The following WFDC10B variants were observed in gnomAD, a reference collection of about 807,000 sequenced individuals.
WFDC10B encodes the protein WAP four-disulfide core domain 10B.
Under a neutral mutation model 2.7 loss-of-function variants are expected in WFDC10B, and 1 was observed. The ratio of observed to expected loss-of-function variants is 0.38; its 90% confidence interval spans 0.13 to 1.79. The LOEUF is 1.79. Ranked by LOEUF, WFDC10B falls within the 40% of genes most tolerant of loss-of-function variation. The pLI, the probability that WFDC10B is intolerant of heterozygous loss-of-function variation, is 0.33. For missense variants in WFDC10B, 71 were observed against 87.8 expected, an observed-to-expected ratio of 0.81 and a Z score of 0.76; for synonymous variants, 26 against 32.2, an observed-to-expected ratio of 0.81 and a Z score of 0.65.
chr20:45,701,978 C>T lies in WFDC10B; in HGVS notation c.-65+2519G>A. Reference sequence around the variant, plus strand: ...ATTGGGAGGTGCTTGGATTCCTGCCCTGCCGGTTTTGATTGGAGTACACGG... The same window carrying T: ...ATTGGGAGGTGCTTGGATTCCTGCCTTGCCGGTTTTGATTGGAGTACACGG... On this transcript the variant is annotated intron_variant, in intron 2 of 3. Coordinates refer to ENST00000330523, the MANE Select transcript of WFDC10B (RefSeq NM_172006.2). The T allele has an allele frequency of 8.7e-6, 6 of 687,216 alleles. No individual in the cohort carries two copies. In the South Asian group the frequency reaches 1.1e-4, roughly 13 times the overall value. 42.6% of individuals were successfully genotyped at this position (687,216 alleles called of 1,614,324 possible).
At chr20:45,685,280 T>C (rs1983570516) in intron 3 of WFDC10B, among the ~76,000 whole-genome samples, 1 of 152,134 alleles carries the variant, frequency 6.6e-6, no homozygotes, top group African/African-American at 2.4e-5. Context: ...GGTCTGACCC[T>C]GAGAGCTCAA....
At chr20:45,687,860 T>TTTATTATTATTATTATTA (rs149834246) in intron 2 of WFDC10B, among the ~76,000 whole-genome samples, 46 of 145,350 alleles carry the variant, frequency 3.2e-4, no homozygotes, top group African/African-American at 1.1e-3. Context: ...TGTCTTTTCT[T>TTTATTATTATTATTATTA]TTATTATTAT....
intron 2 of WFDC10B, among the ~76,000 whole-genome samples, chr20:45,694,590 A>G (rs1334106198): frequency 1.3e-5 from 2 of 152,236 alleles, no homozygotes; most frequent in African/African-American, 2.4e-5. Flanking sequence ...GGAGAGTTCA[A>G]TATCCCACCA....
chr20:45,694,970 G>T (rs1056888576), intron 2 of WFDC10B, among the ~76,000 whole-genome samples: 2 of 152,180 alleles, frequency 1.3e-5, no homozygotes, highest in African/African-American at 2.4e-5. Context: ...AACTCACAAG[G>T]ACAGAAATTC....
Position 45,702,307 on chromosome 20 carries a change from C to T in WFDC10B, c.-65+2190G>A, listed in dbSNP as rs113067416. The T allele has an allele frequency of 7.1e-4, 895 of 1,268,702 alleles. 8 individuals are homozygous for T. The African/African-American group carries it at 0.011, about 15-fold the overall frequency. The allele number at this position is 1,268,702 out of a possible 1,614,324, so 78.6% of individuals were successfully genotyped here. On this transcript the variant is annotated intron_variant, in intron 2 of 3. Transcript: ENST00000330523. ...TCTGTCACACCTCTTGGAAAAATACCGTGTCATGTTCAAGGGCCCAAGCTT... is the reference window on the plus strand; with the variant it reads ...TCTGTCACACCTCTTGGAAAAATACTGTGTCATGTTCAAGGGCCCAAGCTT...
chr20:45,698,694 C>T (rs1031735991), intron 2 of WFDC10B, among the ~76,000 whole-genome samples: 4 of 151,774 alleles, frequency 2.6e-5, no homozygotes, highest in South Asian at 2.1e-4. Flanking sequence ...CGGCTGGGCA[C>T]GGTGGCTCAT....
Position 45,684,661 on chromosome 20 carries a change from T to G in WFDC10B, c.*169A>C. 4.7e-6 allele frequency: 4 copies of G among 845,356 alleles called. No individual in the cohort carries two copies. Among genetic ancestry groups the G allele is most frequent in the Non-Finnish European group, 5.3e-6 (3 of 564,696 alleles). 52.4% of individuals were successfully genotyped at this position (845,356 alleles called of 1,614,324 possible). ...GCAAAAGAGGCAGGATCCATGGGCATTTGTTCTGGTTTATTTGACAGGGAC... is the reference window on the plus strand; with the variant it reads ...GCAAAAGAGGCAGGATCCATGGGCAGTTGTTCTGGTTTATTTGACAGGGAC... On this transcript the variant is annotated 3_prime_UTR_variant, in exon 4 of 4. Coordinates refer to ENST00000330523, the MANE Select transcript of WFDC10B (RefSeq NM_172006.2).
intron 2 of WFDC10B, among the ~76,000 whole-genome samples, chr20:45,704,146 T>C (rs1984289375): frequency 6.6e-6 from 1 of 152,242 alleles, no homozygotes; most frequent in Non-Finnish European, 1.5e-5. Context: ...ATACCCTTGA[T>C]ATGGACACAA....
intron 2 of WFDC10B, among the ~76,000 whole-genome samples, chr20:45,696,285 C>CAA (rs368423161): frequency 0.021 from 1,005 of 47,650 alleles, 36 homozygotes; most frequent in Admixed American, 0.12. Context: ...GACTCCGTCT[C>CAA]AAAAAAAAAA....
At chr20:45,704,665 C>A in intron 1 of WFDC10B, 104 bp from the exon 2 acceptor site, 1 of 1,568,464 alleles carries the variant, frequency 6.4e-7, no homozygotes, top group Non-Finnish European at 8.6e-7. Flanking sequence ...AGTCCCTTAC[C>A]AGCAACTGTG....
At chr20:45,688,686 GTTGT>G (rs376428573) in intron 2 of WFDC10B, among the ~76,000 whole-genome samples, 47,119 of 151,446 alleles carry the variant, frequency 0.31, 7,379 homozygotes, top group South Asian at 0.45. Context: ...TTTTGATGGG[GTTGT>G]TTGTTTTTTC....
Position 45,690,687 on chromosome 20 carries a change from C to T in WFDC10B, c.-64-4631G>A, listed in dbSNP as rs531020088. On this transcript the variant is annotated intron_variant, in intron 2 of 3. Coordinates refer to ENST00000330523, the MANE Select transcript of WFDC10B (RefSeq NM_172006.2). ...TATTTCTGTGGGATCGGTGGTGATA[C>T]CCCTTTATCATTTTTTATTGCATCT... 5.3e-5 allele frequency among the ~76,000 whole-genome samples: 8 copies of T among 151,898 alleles called. No individual in the cohort carries two copies. In the South Asian group the frequency reaches 1.7e-3, roughly 32 times the overall value.
intron 2 of WFDC10B, among the ~76,000 whole-genome samples, chr20:45,691,955 G>A (rs565047047): frequency 1.3e-5 from 2 of 152,306 alleles, no homozygotes; most frequent in South Asian, 4.1e-4. Context: ...ATTTTGACAT[G>A]ATTTTGCAGT....
chr20:45,702,805 G>T (rs961639576), intron 2 of WFDC10B, among the ~76,000 whole-genome samples: 1 of 152,216 alleles, frequency 6.6e-6, no homozygotes, highest in African/African-American at 2.4e-5. Context: ...ACTCAAAAGA[G>T]CTCTGGCTCT....
Position 45,695,868 on chromosome 20 carries a change from C to T in WFDC10B, c.-65+8629G>A, listed in dbSNP as rs116542943. 3.1e-3 allele frequency among the ~76,000 whole-genome samples: 467 copies of T among 151,762 alleles called. 3 individuals carry two copies. Among genetic ancestry groups the T allele is most frequent in the African/African-American group, 0.01 (431 of 41,352 alleles). ...TGGTGGTATGCACCTGTAGTCCCAA[C>T]TACTTAGAAAAAAAACTTTCGGATG... is the stretch of plus-strand genomic sequence containing the variant. On this transcript the variant is annotated intron_variant, in intron 2 of 3. Coordinates refer to ENST00000330523, the MANE Select transcript of WFDC10B (RefSeq NM_172006.2).
intron 1 of WFDC10B, 126 bp from the exon 2 acceptor site, chr20:45,704,687 C>CTTTTTTTTTTT: frequency 7.5e-7 from 1 of 1,333,344 alleles, no homozygotes. Context: ...TGGATCTCTC[C>CTTTTTTTTTTT]TTTTTTTTTT....
At chr20:45,685,594 T>C (rs1411033388) in intron 3 of WFDC10B, among the ~76,000 whole-genome samples, 3 of 152,226 alleles carry the variant, frequency 2.0e-5, no homozygotes, top group African/African-American at 7.2e-5. Context: ...CAAAGAATAA[T>C]TGTCTTGCTT....
chr20:45,687,727 C>T (rs190500059), intron 2 of WFDC10B, among the ~76,000 whole-genome samples: 1 of 152,076 alleles, frequency 6.6e-6, no homozygotes, highest in African/African-American at 2.4e-5. Context: ...GATGGTATCT[C>T]ATCGTGGTTT....
At chr20:45,692,932 C>T (rs1037435418) in intron 2 of WFDC10B, among the ~76,000 whole-genome samples, 9 of 152,148 alleles carry the variant, frequency 5.9e-5, no homozygotes, top group African/African-American at 2.2e-4. Context: ...AGTTTTTCTG[C>T]TCTGTTTTTT....
Sources: gnomAD v4.1 joint callset for allele counts (sites outside exome capture counted in the v4.1 genomes callset) on GRCh38, gnomAD v4.1.1 for gene constraint, MANE v1.5 for transcripts, NCBI Gene and HGNC (gene_info 2026-07-23, HGNC 2026-07-21) for gene names.